ZNF555: variants seen among roughly 807,000 people sequenced by gnomAD.
ZNF555 encodes zinc finger protein 555.
In ZNF555, 10 loss-of-function variants were observed where a neutral mutation model predicts 14.0. That is an observed-to-expected ratio of 0.72 (90% CI 0.44 to 1.21). The LOEUF is 1.21. Among genes scored for constraint, ZNF555 ranks in the 50% most tolerant of loss-of-function variants. ZNF555 has a pLI of 0.00. For synonymous variants in ZNF555, 277 were observed against 262.4 expected (o/e 1.06, Z -0.54); for missense variants, 747 against 762.0 (o/e 0.98, Z 0.23).
At chr19:2,842,801 G>T (rs1021419554) in intron 1 of ZNF555, among the ~76,000 whole-genome samples, 10 of 152,228 alleles carry the variant, frequency 6.6e-5, no homozygotes, top group Non-Finnish European at 1.2e-4. Context: ...CCAGCACTGT[G>T]ACAGGCCGAG....
chr19:2,843,416 C>T (rs994317504), intron 1 of ZNF555, among the ~76,000 whole-genome samples: 1 of 152,156 alleles, frequency 6.6e-6, no homozygotes, highest in Non-Finnish European at 1.5e-5. Context: ...TCTCCCTCCT[C>T]GACCAGCCTT....
At position 2,854,004 on chromosome 19, in the gene ZNF555, C is replaced by T. The variant is rs754087768; in HGVS notation, c.*52C>T. On this transcript the variant is annotated 3_prime_UTR_variant, in exon 4 of 4. Coordinates refer to ENST00000334241, the MANE Select transcript of ZNF555 (RefSeq NM_152791.5). ...AAGGAGTGTGTCTGTAGTTCATTTG[C>T]AAATAAACATTTAGTTGAAAAATAA... is the stretch of plus-strand genomic sequence containing the variant. 6.3e-7 allele frequency: 1 copy of T among 1,591,058 alleles called. No homozygotes were observed. The highest frequency in any genetic ancestry group is 8.5e-7 in the Non-Finnish European group (1 of 1,169,864).
rs76001470 is a variant in ZNF555, at chr19:2,842,525, A to G, written c.3+950A>G. Among the ~76,000 whole-genome samples, 1,169 of 152,284 alleles carry G rather than the reference A, an allele frequency of 7.7e-3. 13 individuals are homozygous for G. The highest frequency in any genetic ancestry group is 0.027 in the African/African-American group (1,108 of 41,564). On this transcript the variant is annotated intron_variant, in intron 1 of 3. Coordinates refer to ENST00000334241, the MANE Select transcript of ZNF555 (RefSeq NM_152791.5). ...GAAATATATTCTTTCACGGTTCCCT[A>G]GAAAGTGTGGATTTGAAGACGTTTC... is the stretch of plus-strand genomic sequence containing the variant.
intron 1 of ZNF555, among the ~76,000 whole-genome samples, chr19:2,849,329 C>G (rs1287512769): frequency 1.3e-5 from 2 of 151,960 alleles, no homozygotes; most frequent in East Asian, 1.9e-4. Context: ...GAATCACTTC[C>G]TCCTGGAATT....
rs2087670984 is a variant in ZNF555 at position 2,854,893 on chromosome 19, T to G, written c.*941T>G. ...GACCACTGATTCAGACTGTCTTGTTTGGCAGTCTCTGAGCTTCTGATTCTC... is the reference window on the plus strand; with the variant it reads ...GACCACTGATTCAGACTGTCTTGTTGGGCAGTCTCTGAGCTTCTGATTCTC... On this transcript the variant is annotated 3_prime_UTR_variant, in exon 4 of 4. Coordinates refer to ENST00000334241, the MANE Select transcript of ZNF555 (RefSeq NM_152791.5). 1 of 152,230 alleles carries G rather than the reference T, an allele frequency of 6.6e-6. No homozygotes were observed. The highest frequency in any genetic ancestry group is 2.1e-4 in the South Asian group (1 of 4,832). 9.4% of individuals were successfully genotyped at this position (152,230 alleles called of 1,614,324 possible). A position where few individuals can be genotyped will look rare whatever the true frequency, so the allele number is the denominator to read the frequency against.
In ZNF555 at chr19:2,858,713, C is replaced by T. The variant is rs916593932; in HGVS notation, c.*4761C>T. The stretch of plus-strand genomic sequence containing the variant: ...AGAACCCATGCCATGGAGACACGCC[C>T]ATCAGCCACAGCAGCTCCTGCTACT... On this transcript the variant is annotated 3_prime_UTR_variant, in exon 4 of 4. Coordinates refer to ENST00000334241, the MANE Select transcript of ZNF555 (RefSeq NM_152791.5). 3.9e-5 allele frequency: 6 copies of T among 152,328 alleles called. No homozygotes were observed. The highest frequency in any genetic ancestry group is 7.3e-5 in the Non-Finnish European group (5 of 68,134). 9.4% of individuals were successfully genotyped at this position (152,328 alleles called of 1,614,324 possible). A position where few individuals can be genotyped will look rare whatever the true frequency, so the allele number is the denominator to read the frequency against.
intron 1 of ZNF555, among the ~76,000 whole-genome samples, chr19:2,843,531 A>G (rs2087556364): frequency 6.6e-6 from 1 of 152,208 alleles, no homozygotes; most frequent in African/African-American, 2.4e-5. Context: ...CCTTTCCACC[A>G]TACGTGCAGA....
chr19:2,842,265 C>T (rs1368937201), intron 1 of ZNF555, among the ~76,000 whole-genome samples: 3 of 152,194 alleles, frequency 2.0e-5, no homozygotes, highest in Non-Finnish European at 4.4e-5. Flanking sequence ...CTTCTTGTCC[C>T]CTCTGACCCC....
In ZNF555 at chr19:2,853,652, G is replaced by A. The variant is rs45587443; in HGVS notation, c.1587G>A (p.Thr529=). 0.026 allele frequency: 40,659 copies of A among 1,593,640 alleles called. 637 individuals carry two copies. The highest frequency in any genetic ancestry group is 0.03 in the Non-Finnish European group (35,372 of 1,170,530). ...WPELLQQHVR[T]HTVEKPYECK... is the part of the protein sequence containing the mutation. ...AACTTTTGCAACAACATGTGAGAAC[G>A]CACACTGTAGAGAAGCCCTATGAAT... The change falls in exon 4 of 4, where the codon ACG becomes ACA. Residue 529 remains threonine, a synonymous_variant. Coordinates refer to ENST00000334241, the MANE Select transcript of ZNF555 (RefSeq NM_152791.5).
At chr19:2,852,027 T>C (rs1011576180) in intron 3 of ZNF555, among the ~76,000 whole-genome samples, 5 of 152,032 alleles carry the variant, frequency 3.3e-5, no homozygotes, top group African/African-American at 1.2e-4. Flanking sequence ...GCCGCAGGCC[T>C]GTAATCCCAG....
intron 1 of ZNF555, among the ~76,000 whole-genome samples, chr19:2,841,836 G>A (rs2087539357): frequency 6.6e-6 from 1 of 151,644 alleles, no homozygotes; most frequent in Admixed American, 6.6e-5. Flanking sequence ...GCCCGACTCC[G>A]TCCCCGTCGT....
chr19:2,853,172 A>G lies in ZNF555; in HGVS notation c.1107A>G (p.Glu369=), dbSNP rs2087649803. 2 of 1,613,790 alleles carry G rather than the reference A, an allele frequency of 1.2e-6. No homozygotes were observed. The highest frequency in any genetic ancestry group is 1.7e-6 in the Non-Finnish European group (2 of 1,179,960). The change falls in exon 4 of 4, where the codon GAA becomes GAG. Residue 369 remains glutamate (E), a synonymous_variant. Transcript: ENST00000334241. ...ERIHTGEKPY[E]CKQCGKTFIY... is the part of the protein sequence containing the mutation. ...TTCACACTGGAGAGAAACCCTACGA[A>G]TGCAAACAGTGTGGGAAGACCTTCA... is the stretch of plus-strand genomic sequence containing the variant.
Position 2,841,488 on chromosome 19 carries a change from G to A in ZNF555, c.-85G>A. 3 of 1,540,442 alleles carry A rather than the reference G, an allele frequency of 1.9e-6. No individual in the cohort carries two copies. The highest frequency in any genetic ancestry group is 1.2e-5 in the South Asian group (1 of 83,788). Reference sequence around the variant, plus strand: ...CGGGACGCCTCTGTCCTAGCCGTGAGTGCCCCGCCTGCCCCTAGCGGTCCC... The same window carrying A: ...CGGGACGCCTCTGTCCTAGCCGTGAATGCCCCGCCTGCCCCTAGCGGTCCC... On this transcript the variant is annotated 5_prime_UTR_variant, in exon 1 of 4. In the 5' UTR this introduces an upstream ATG that the reference lacks. Transcript: ENST00000334241.
At position 2,859,079 on chromosome 19, in the gene ZNF555, G is replaced by C. The variant is rs889417519; in HGVS notation, c.*5127G>C. The C allele has an allele frequency of 6.6e-6, 1 of 152,328 alleles. No individual in the cohort carries two copies. Among genetic ancestry groups the C allele is most frequent in the Non-Finnish European group, 1.5e-5 (1 of 68,124 alleles). The allele number at this position is 152,328 out of a possible 1,614,324, so 9.4% of individuals were successfully genotyped here. ...TCAGCCCATTGGCCTGCGGGAAGTGGAGTTCCCGAACAGAAGCCCCTCAGT... is the reference window on the plus strand; with the variant it reads ...TCAGCCCATTGGCCTGCGGGAAGTGCAGTTCCCGAACAGAAGCCCCTCAGT... On this transcript the variant is annotated 3_prime_UTR_variant, in exon 4 of 4. Transcript: ENST00000334241.
Position 2,853,179 on chromosome 19 carries a change from C to CA in ZNF555, c.1115dup (p.Cys373ValfsTer15). 6.2e-7 allele frequency: 1 copy of CA among 1,614,136 alleles called. No individual in the cohort carries two copies. Among genetic ancestry groups the CA allele is most frequent in the Non-Finnish European group, 8.5e-7 (1 of 1,180,008 alleles). ...TGGAGAGAAACCCTACGAATGCAAA[C>CA]AGTGTGGGAAGACCTTCATTTATCC... On this transcript the variant is annotated frameshift_variant, in exon 4 of 4. Coordinates refer to ENST00000334241, the MANE Select transcript of ZNF555 (RefSeq NM_152791.5). LOFTEE classifies it low-confidence loss of function (END_TRUNC).
rs57214625 is a variant in ZNF555, at chr19:2,844,094, T to TCTCTC, written c.3+2519_3+2520insCTCTC. On this transcript the variant is annotated intron_variant, in intron 1 of 3. Coordinates refer to ENST00000334241, the MANE Select transcript of ZNF555 (RefSeq NM_152791.5). ...TCCCTCTTTCCTTTCTCTCTCTCTC[T>TCTCTC]TTTCTTTTTTTTTTTTTTTTTTTTA... Among the ~76,000 whole-genome samples the TCTCTC allele has an allele frequency of 5.4e-3, 62 of 11,444 alleles. 1 individual carries two copies. The highest frequency in any genetic ancestry group is 3.9e-3 in the Non-Finnish European group (19 of 4,898). 7.5% of individuals were successfully genotyped at this position (11,444 alleles called of 152,430 possible).
rs953800357 is a variant in ZNF555 at position 2,856,925 on chromosome 19, G to C, written c.*2973G>C. On this transcript the variant is annotated 3_prime_UTR_variant, in exon 4 of 4. Transcript: ENST00000334241. ...GATGGTTTTTGTGGTTTAGAGGTGA[G>C]TTCCGGAAAAAAAGAAGACATGTTT... The C allele has an allele frequency of 2.0e-5, 3 of 152,094 alleles. No individual in the cohort carries two copies. The highest frequency in any genetic ancestry group is 4.4e-5 in the Non-Finnish European group (3 of 68,006). 9.4% of individuals were successfully genotyped at this position (152,094 alleles called of 1,614,324 possible). A position where few individuals can be genotyped will look rare whatever the true frequency, so the allele number is the denominator to read the frequency against.
chr19:2,852,875 G>C lies in ZNF555; in HGVS notation c.810G>C (p.Thr270=). The C allele has an allele frequency of 1.2e-6, 2 of 1,614,052 alleles. No individual in the cohort carries two copies. Among genetic ancestry groups the C allele is most frequent in the Non-Finnish European group, 1.7e-6 (2 of 1,180,006 alleles). Residue 270 remains threonine (T), a synonymous_variant, in exon 4 of 4, where the codon ACG becomes ACC. Transcript: ENST00000334241. ...ECGKAFSYSS[T]FRRHTITHTG... ...GGAAAGCTTTCAGTTATTCCTCAAC[G>C]TTTCGAAGACACACAATAACACACA...
At position 2,852,544 on chromosome 19, in the gene ZNF555, AG is replaced by A; in HGVS notation, c.480del (p.Ser161ValfsTer27). 1 of 1,614,108 alleles carries A rather than the reference AG, an allele frequency of 6.2e-7. No individual in the cohort carries two copies. On this transcript the variant is annotated frameshift_variant, in exon 4 of 4. Transcript: ENST00000334241. LOFTEE classifies it low-confidence loss of function (END_TRUNC). ...KVFMHRRTSL[K>X]SPITVHTGHK... ...TTCATGCATCGCCGCACATCCCTCA[AG>A]AGTCCCATCACAGTTCACACTGGAC...
Sources: allele counts gnomAD v4.1 joint callset (sites outside exome capture counted in the v4.1 genomes callset), GRCh38; gene constraint gnomAD v4.1.1; transcripts MANE v1.5; gene names NCBI Gene and HGNC (gene_info 2026-07-23, HGNC 2026-07-21).